The following SDCCAG8 variants were observed in gnomAD, a reference collection of about 807,000 sequenced individuals.
SDCCAG8 encodes the protein serologically defined colon cancer antigen 8.
A neutral mutation model predicts 101.8 loss-of-function variants in SDCCAG8; 74 were observed. That is an observed-to-expected ratio of 0.73 (90% confidence interval 0.60 to 0.88). SDCCAG8 has a LOEUF of 0.88. Ranked by LOEUF, SDCCAG8 falls within the 40% of genes least tolerant of loss-of-function variation. The pLI is 0.00. For missense variants in SDCCAG8, 787 were observed against 822.6 expected (o/e 0.96, Z 0.53); for synonymous variants, 281 against 292.9 (o/e 0.96, Z 0.41).
intron 8 of SDCCAG8, among the ~76,000 whole-genome samples, chr1:243,309,708 G>A (rs1468776444): frequency 6.6e-6 from 1 of 152,070 alleles, no homozygotes; most frequent in Non-Finnish European, 1.5e-5. Flanking sequence ...TCACTATGTT[G>A]CCCAGGCTGT....
chr1:243,275,903 C>T (rs551069358), intron 4 of SDCCAG8, among the ~76,000 whole-genome samples: 52 of 118,312 alleles, frequency 4.4e-4, no homozygotes, highest in East Asian at 1.8e-3. Context: ...CTCGCATTGT[C>T]GCCAGACTGG....
intron 4 of SDCCAG8, among the ~76,000 whole-genome samples, chr1:243,282,386 G>C (rs1353862553): frequency 6.6e-6 from 1 of 152,090 alleles, no homozygotes; most frequent in African/African-American, 2.4e-5. Context: ...ATTAACTTCA[G>C]TTATTCATAA....
Position 243,426,564 on chromosome 1 carries a change from C to G in SDCCAG8, c.1985+6C>G, listed in dbSNP as rs759964427. On this transcript the variant is annotated splice_donor_region_variant and intron_variant, in intron 16 of 17. Transcript: ENST00000366541. ...CATGAGACGATGAAGCAAAGGTAATCAAGGTTTCATGTCAACTCATGTGCC... is the reference window on the plus strand; with the variant it reads ...CATGAGACGATGAAGCAAAGGTAATGAAGGTTTCATGTCAACTCATGTGCC... 12 of 1,613,836 alleles carry G rather than the reference C, an allele frequency of 7.4e-6. No homozygotes were observed. The South Asian group carries it at 1.3e-4, about 18-fold the overall frequency.
intron 3 of SDCCAG8, 24 bp from the exon 4 acceptor site, chr1:243,274,519 T>A: frequency 8.0e-7 from 1 of 1,251,010 alleles, no homozygotes; most frequent in Non-Finnish European, 1.2e-6. Context: ...ATTTATGTAT[T>A]TATTTATTTA....
At chr1:243,440,859 A>G (rs986037144) in intron 16 of SDCCAG8, among the ~76,000 whole-genome samples, 5 of 152,228 alleles carry the variant, frequency 3.3e-5, no homozygotes, top group African/African-American at 1.2e-4. Context: ...GGCCGTGTGT[A>G]GCATGCAGGC....
Position 243,256,045 on chromosome 1 carries a change from T to A in SDCCAG8, c.-129T>A. 1.2e-6 allele frequency: 1 copy of A among 859,472 alleles called. No homozygotes were observed. Among genetic ancestry groups the A allele is most frequent in the Non-Finnish European group, 2.0e-6 (1 of 495,214 alleles). The allele number at this position is 859,472 out of a possible 1,614,324, so 53.2% of individuals were successfully genotyped here. ...CCCCCAAGAGCTCTGTGCGGGATTC[T>A]AGGCTCCCCTGTGACAGCCGCGGCA... On this transcript the variant is annotated 5_prime_UTR_variant, in exon 1 of 18. Coordinates refer to ENST00000366541, the MANE Select transcript of SDCCAG8 (RefSeq NM_006642.5).
At chr1:243,417,524 C>T (rs1423793837) in intron 14 of SDCCAG8, among the ~76,000 whole-genome samples, 1 of 152,048 alleles carries the variant, frequency 6.6e-6, no homozygotes, top group Non-Finnish European at 1.5e-5. Flanking sequence ...ACCATGTGTG[C>T]AAATATGAAA....
rs888248169 is a variant in SDCCAG8, at chr1:243,355,241, T to C, written c.1473+10910T>C. 2.0e-5 allele frequency among the ~76,000 whole-genome samples: 3 copies of C among 152,212 alleles called. No homozygotes were observed. In the East Asian group the frequency reaches 5.8e-4, roughly 29 times the overall value. On this transcript the variant is annotated intron_variant, in intron 12 of 17. Coordinates refer to ENST00000366541, the MANE Select transcript of SDCCAG8 (RefSeq NM_006642.5). ...GCCTTCTGCCATCCCTGAAAATTTC[T>C]GGAGTTTCCTATAGGAATGGAAAAT...
intron 4 of SDCCAG8, among the ~76,000 whole-genome samples, chr1:243,277,152 T>G (rs2068643771): frequency 6.6e-6 from 1 of 152,222 alleles, no homozygotes; most frequent in Admixed American, 6.5e-5. Flanking sequence ...TTTTACCTCT[T>G]TAAAGTAAAT....
intron 8 of SDCCAG8, among the ~76,000 whole-genome samples, chr1:243,311,726 G>A (rs932338321): frequency 7.3e-5 from 11 of 151,126 alleles, no homozygotes; most frequent in Non-Finnish European, 1.2e-4. Flanking sequence ...ACCAGTCTGG[G>A]CAACATAGGG....
At chr1:243,303,180 AT>A (rs930651777) in intron 6 of SDCCAG8, among the ~76,000 whole-genome samples, 11 of 152,230 alleles carry the variant, frequency 7.2e-5, no homozygotes, top group African/African-American at 2.7e-4. Flanking sequence ...GTGCCAGAAA[AT>A]GAGGAAGAAG....
At chr1:243,401,516 A>T (rs938856746) in intron 13 of SDCCAG8, among the ~76,000 whole-genome samples, 2 of 152,238 alleles carry the variant, frequency 1.3e-5, no homozygotes, top group Non-Finnish European at 1.5e-5. Flanking sequence ...TCTATTTGCC[A>T]TTTAAAAATT....
chr1:243,357,385 C>T lies in SDCCAG8; in HGVS notation c.1473+13054C>T, dbSNP rs536256057. Among the ~76,000 whole-genome samples the T allele has an allele frequency of 2.2e-4, 33 of 150,760 alleles. No homozygotes were observed. The South Asian group carries it at 6.9e-3, about 32-fold the overall frequency. On this transcript the variant is annotated intron_variant, in intron 12 of 17. Coordinates refer to ENST00000366541, the MANE Select transcript of SDCCAG8 (RefSeq NM_006642.5). ...CAGAGCGAGACTCTGTCTCAAAAAACCAAGAAAAAAAAAAAGAAGGTAACT... is the reference window on the plus strand; with the variant it reads ...CAGAGCGAGACTCTGTCTCAAAAAATCAAGAAAAAAAAAAAGAAGGTAACT...
At position 243,271,133 on chromosome 1, in the gene SDCCAG8, A is replaced by T. The variant is rs1398906585; in HGVS notation, c.306+70A>T. The T allele has an allele frequency of 5.4e-6, 6 of 1,109,154 alleles. No individual in the cohort carries two copies. The Admixed American group carries it at 1.0e-4, about 19-fold the overall frequency. The allele number at this position is 1,109,154 out of a possible 1,614,324, so 68.7% of individuals were successfully genotyped here. Reference sequence around the variant, plus strand: ...ACTGTATTGTGTTATTTTGTAGTACATGTTGCAGAAAAAATTTAAGCATGG... The same window carrying T: ...ACTGTATTGTGTTATTTTGTAGTACTTGTTGCAGAAAAAATTTAAGCATGG... On this transcript the variant is annotated intron_variant, in intron 3 of 17. Transcript: ENST00000366541.
At chr1:243,351,212 A>G (rs2076064946) in intron 12 of SDCCAG8, among the ~76,000 whole-genome samples, 1 of 152,166 alleles carries the variant, frequency 6.6e-6, no homozygotes, top group Admixed American at 6.5e-5. Flanking sequence ...GGTCCTGGTG[A>G]TGACAGAGTT....
chr1:243,344,395 A>C (rs1000642847), intron 12 of SDCCAG8, 64 bp downstream of exon 12: 1 of 1,101,892 alleles, frequency 9.1e-7, no homozygotes, highest in Non-Finnish European at 1.4e-6. Context: ...TCTCAAGTTG[A>C]TGTTGTTTTA....
At chr1:243,370,654 G>T (rs557778385) in intron 12 of SDCCAG8, among the ~76,000 whole-genome samples, 2 of 152,142 alleles carry the variant, frequency 1.3e-5, no homozygotes, top group South Asian at 4.2e-4. Flanking sequence ...CATACTTTTA[G>T]AAAGGCACTT....
intron 10 of SDCCAG8, among the ~76,000 whole-genome samples, chr1:243,337,750 C>G (rs2075110579): frequency 6.6e-6 from 1 of 152,046 alleles, no homozygotes; most frequent in African/African-American, 2.4e-5. Context: ...AGAGACGGAG[C>G]CTTCTTGGAT....
intron 1 of SDCCAG8, among the ~76,000 whole-genome samples, chr1:243,269,362 G>GT: frequency 6.7e-6 from 1 of 150,280 alleles, no homozygotes; most frequent in African/African-American, 2.5e-5. Flanking sequence ...GAGTGCAGTG[G>GT]TGCGATCTCG....
Sources: allele counts gnomAD v4.1 joint callset (sites outside exome capture counted in the v4.1 genomes callset), GRCh38; gene constraint gnomAD v4.1.1; transcripts MANE v1.5; gene names NCBI Gene and HGNC (gene_info 2026-07-23, HGNC 2026-07-21).